Variants in LOC128462377 observed in about 807,000 individuals in gnomAD.
the LOC128462377 span, among the ~76,000 whole-genome samples, chr16:89,399,483 G>A: frequency 6.6e-6 from 1 of 152,218 alleles, no homozygotes; most frequent in African/African-American, 2.4e-5. Context: ...ACAAAGATCA[G>A]CGAATGCCAG....
chr16:89,383,812 G>A, the LOC128462377 span, among the ~76,000 whole-genome samples: 3 of 152,172 alleles, frequency 2.0e-5, no homozygotes, highest in African/African-American at 4.8e-5. Context: ...AGCACCCAGA[G>A]GGCAAAGGTG....
chr16:89,366,019 T>A, the LOC128462377 span, among the ~76,000 whole-genome samples: 1 of 151,840 alleles, frequency 6.6e-6, no homozygotes, highest in African/African-American at 2.4e-5. Context: ...GCTCTATCCA[T>A]GTTCCACAAA....
the LOC128462377 span, among the ~76,000 whole-genome samples, chr16:89,347,334 GCA>G: frequency 6.6e-6 from 1 of 152,180 alleles, no homozygotes; most frequent in African/African-American, 2.4e-5. Context: ...GTTCGGCCGG[GCA>G]CACTGGCTCA....
chr16:89,404,387 C>T, the LOC128462377 span, among the ~76,000 whole-genome samples: 1 of 152,192 alleles, frequency 6.6e-6, no homozygotes, highest in East Asian at 1.9e-4. Context: ...ATTGCCTTCA[C>T]TGAAAACACT....
At chr16:89,338,616 T>C in the LOC128462377 span, among the ~76,000 whole-genome samples, 2 of 148,140 alleles carry the variant, frequency 1.4e-5, no homozygotes, top group African/African-American at 5.0e-5. Context: ...TCCCAGCTAC[T>C]TGGGAGGCTG....
the LOC128462377 span, among the ~76,000 whole-genome samples, chr16:89,388,726 A>C: frequency 6.6e-6 from 1 of 152,174 alleles, no homozygotes; most frequent in African/African-American, 2.4e-5. Context: ...AAGAGCCGGC[A>C]GGTCCCGGGC....
At chr16:89,383,630 G>A in the LOC128462377 span, among the ~76,000 whole-genome samples, 4 of 151,980 alleles carry the variant, frequency 2.6e-5, no homozygotes, top group African/African-American at 9.7e-5. Context: ...CCCTGCCCTC[G>A]GACCAGCAAC....
chr16:89,323,102 A>C, the LOC128462377 span: 1 of 315,960 alleles, frequency 3.2e-6, no homozygotes. Context: ...TTTCCAGCTG[A>C]GCCCTGCCGG....
At chr16:89,409,267 GAATAA>G in the LOC128462377 span, among the ~76,000 whole-genome samples, 1 of 152,202 alleles carries the variant, frequency 6.6e-6, no homozygotes, top group Non-Finnish European at 1.5e-5. Context: ...CCTGGTGTTA[GAATAA>G]ATCACTAGGC....
chr16:89,404,007 T>C, the LOC128462377 span, among the ~76,000 whole-genome samples: 4 of 152,164 alleles, frequency 2.6e-5, no homozygotes, highest in African/African-American at 9.7e-5. Context: ...GGTGAAAGAA[T>C]GCAAGAGACT....
At chr16:89,346,089 A>C in the LOC128462377 span, among the ~76,000 whole-genome samples, 2,445 of 148,752 alleles carry the variant, frequency 0.016, 61 homozygotes, top group Admixed American at 0.052. Context: ...TAACAACACA[A>C]AAAAAAAAAA....
the LOC128462377 span, among the ~76,000 whole-genome samples, chr16:89,329,209 G>C: frequency 1.3e-5 from 2 of 152,226 alleles, no homozygotes; most frequent in Non-Finnish European, 2.9e-5. Flanking sequence ...CATGTCTGTC[G>C]GTGGCTGTCG....
the LOC128462377 span, among the ~76,000 whole-genome samples, chr16:89,349,981 A>G: frequency 6.6e-6 from 1 of 152,270 alleles, no homozygotes; most frequent in African/African-American, 2.4e-5. Flanking sequence ...AAAAATCAGC[A>G]GACAACCCGA....
At chr16:89,387,221 T>G in the LOC128462377 span, among the ~76,000 whole-genome samples, 3 of 145,740 alleles carry the variant, frequency 2.1e-5, no homozygotes, top group African/African-American at 2.5e-5. Context: ...AGATCTGGAG[T>G]GCCAAGTTAA....
chr16:89,359,587 C>T, the LOC128462377 span, among the ~76,000 whole-genome samples: 3 of 152,216 alleles, frequency 2.0e-5, no homozygotes, highest in African/African-American at 4.8e-5. Context: ...GCCTTGGCTG[C>T]TGGCCGAAAC....
chr16:89,351,334 C>T, the LOC128462377 span, among the ~76,000 whole-genome samples: 1 of 152,150 alleles, frequency 6.6e-6, no homozygotes, highest in African/African-American at 2.4e-5. Flanking sequence ...CATCCATGGC[C>T]CTAGGGAAGG....
the LOC128462377 span, among the ~76,000 whole-genome samples, chr16:89,409,107 G>C: frequency 2.0e-5 from 3 of 152,188 alleles, no homozygotes; most frequent in Non-Finnish European, 4.4e-5. Context: ...CCAGGCCAGT[G>C]AGCCCTGGGG....
chr16:89,356,062 T>C, the LOC128462377 span, among the ~76,000 whole-genome samples: 9 of 152,272 alleles, frequency 5.9e-5, no homozygotes, highest in African/African-American at 2.2e-4. Context: ...GCCTGGGCAC[T>C]GGAGTGAGAC....
the LOC128462377 span, among the ~76,000 whole-genome samples, chr16:89,409,380 G>A: frequency 1.3e-5 from 2 of 152,166 alleles, no homozygotes; most frequent in Admixed American, 6.5e-5. Flanking sequence ...GTGGGAAGGC[G>A]GTCCCCATCC....
Sources: gnomAD v4.1 joint callset for allele counts (sites outside exome capture counted in the v4.1 genomes callset) on GRCh38, gnomAD v4.1.1 for gene constraint, MANE v1.5 for transcripts.